Variants in ZNF675 observed in about 807,000 individuals in gnomAD.
ZNF675 encodes the protein TRAF6 inhibitory zinc finger.
In ZNF675, 36 loss-of-function variants were observed where a neutral mutation model predicts 56.1. The observed-to-expected ratio is 0.64, with a 90% CI of 0.49 to 0.85. ZNF675 has a LOEUF of 0.85. ZNF675 is among the 40% of genes least tolerant of loss of function. The probability of loss-of-function intolerance (pLI) is 0.00; values close to 1 mark genes in which losing one functional copy is unlikely to be tolerated. For synonymous variants in ZNF675, 200 were observed against 218.9 expected, an observed-to-expected ratio of 0.91 and a Z score of 0.76; for missense variants, 663 against 654.2, an observed-to-expected ratio of 1.01 and a Z score of -0.15.
intron 3 of ZNF675, among the ~76,000 whole-genome samples, chr19:23,658,932 G>GATCTATAGAT (rs1968037406): frequency 6.1e-5 from 1 of 16,430 alleles, no homozygotes; most frequent in Non-Finnish European, 1.4e-4. Flanking sequence ...TATAGATACC[G>GATCTATAGAT]ATCTATAGAT....
chr19:23,655,964 C>G (rs1967977695), intron 3 of ZNF675: 1 of 152,066 alleles, frequency 6.6e-6, no homozygotes, highest in Non-Finnish European at 1.5e-5. Context: ...ATGGTAGCAG[C>G]CATGGCACGT....
At chr19:23,665,637 A>G (rs995892623) in intron 1 of ZNF675, among the ~76,000 whole-genome samples, 17 of 152,058 alleles carry the variant, frequency 1.1e-4, no homozygotes, top group Non-Finnish European at 2.2e-4. Flanking sequence ...GGGATAACAC[A>G]GGCGCCTGCC....
rs770019068 is a variant in ZNF675, at chr19:23,654,457, G to C, written c.476C>G (p.Ser159Ter). ...CATATGTTTTATCTTATGTCTATCT[G>C]AATGTGAAAATTTATTAAAGACTTT... is the stretch of plus-strand genomic sequence containing the variant. The part of the protein sequence containing the change: ...YVKVFNKFSH[S>*]DRHKIKHMEN... The change falls in exon 4 of 4, where the codon TCA (serine) becomes TGA (stop). Residue 159 changes from serine to a stop codon, truncating the protein, a stop_gained. Transcript: ENST00000359788. LOFTEE classifies it high-confidence loss of function. 1 of 1,602,038 alleles carries C rather than the reference G, an allele frequency of 6.2e-7. No homozygotes were observed. The highest frequency in any genetic ancestry group is 1.3e-5 in the African/African-American group (1 of 74,176).
chr19:23,662,856 C>T (rs888568685), intron 2 of ZNF675, among the ~76,000 whole-genome samples, 176 bp downstream of exon 2: 6 of 152,062 alleles, frequency 3.9e-5, no homozygotes, highest in South Asian at 2.1e-4. Context: ...TGGTGGCTCA[C>T]GCCTGTAGTC....
chr19:23,686,420 G>T (rs1968442830), intron 1 of ZNF675: 1 of 152,168 alleles, frequency 6.6e-6, no homozygotes, highest in Non-Finnish European at 1.5e-5. Flanking sequence ...GCCACCTCCC[G>T]GGTTCAAGCG....
At chr19:23,663,820 T>C (rs554494992) in intron 1 of ZNF675, among the ~76,000 whole-genome samples, 2 of 152,354 alleles carry the variant, frequency 1.3e-5, no homozygotes, top group East Asian at 3.9e-4. Flanking sequence ...AATAGCTAAT[T>C]GAGAACACAG....
intron 3 of ZNF675, among the ~76,000 whole-genome samples, chr19:23,657,964 CAG>C (rs1968009885): frequency 6.6e-6 from 1 of 151,936 alleles, no homozygotes; most frequent in African/African-American, 2.4e-5. Context: ...AAACAATAAA[CAG>C]ATGTCAAACT....
intron 1 of ZNF675, among the ~76,000 whole-genome samples, chr19:23,670,552 A>T (rs912897193): frequency 3.3e-5 from 5 of 152,086 alleles, no homozygotes; most frequent in African/African-American, 1.2e-4. Context: ...CCCCTTGCCA[A>T]GTGCTTCTGA....
chr19:23,680,185 C>T (rs1968358472), intron 1 of ZNF675, among the ~76,000 whole-genome samples: 2 of 151,260 alleles, frequency 1.3e-5, no homozygotes, highest in African/African-American at 4.9e-5. Flanking sequence ...CTCCTGTAAT[C>T]CCAACTACTA....
In ZNF675 at chr19:23,684,057, C is replaced by G. The variant is rs2364622; in HGVS notation, c.3+2974G>C. On this transcript the variant is annotated intron_variant, in intron 1 of 3. Coordinates refer to ENST00000359788, the MANE Select transcript of ZNF675 (RefSeq NM_138330.3). ...AGGGCGGATCACGAGGTCAGGAGAT[C>G]AAGACCATCCTGGCTAACACGGTGA... Among the ~76,000 whole-genome samples the G allele has an allele frequency of 1.4e-4, 21 of 150,792 alleles. 1 individual carries two copies. The South Asian group carries it at 4.0e-3, about 29-fold the overall frequency.
chr19:23,676,991 G>A (rs943911425), intron 1 of ZNF675, among the ~76,000 whole-genome samples: 3 of 123,704 alleles, frequency 2.4e-5, no homozygotes, highest in East Asian at 6.4e-4. Context: ...AGAGAATGGC[G>A]GCGTTAACCC....
At chr19:23,686,978 G>C in intron 1 of ZNF675, 53 bp downstream of exon 1, 1 of 1,611,612 alleles carries the variant, frequency 6.2e-7, no homozygotes, top group East Asian at 2.2e-5. Context: ...CATTTCCCAC[G>C]GGTTCCAACC....
At chr19:23,668,075 CT>C (rs1375381239) in intron 1 of ZNF675, among the ~76,000 whole-genome samples, 4 of 143,942 alleles carry the variant, frequency 2.8e-5, no homozygotes, top group Non-Finnish European at 6.0e-5. Flanking sequence ...CATAAAGGTT[CT>C]CCAAGGCCCC....
At chr19:23,678,360 G>C (rs1599423285) in intron 1 of ZNF675, among the ~76,000 whole-genome samples, 1 of 149,986 alleles carries the variant, frequency 6.7e-6, no homozygotes, top group Admixed American at 6.6e-5. Flanking sequence ...TGGGTTCAAG[G>C]CTGCCTCAGC....
chr19:23,675,517 C>T (rs1968284078), intron 1 of ZNF675, among the ~76,000 whole-genome samples: 1 of 151,910 alleles, frequency 6.6e-6, no homozygotes. Context: ...ACTCAGACCA[C>T]AGCTTGATAA....
rs888803210 is a variant in ZNF675 at position 23,687,192 on chromosome 19, A to C, written c.-159T>G. 46 of 837,332 alleles carry C rather than the reference A, an allele frequency of 5.5e-5. No homozygotes were observed. In the African/African-American group the frequency reaches 6.9e-4, roughly 13 times the overall value. The allele number at this position is 837,332 out of a possible 1,614,324, so 51.9% of individuals were successfully genotyped here. On this transcript the variant is annotated 5_prime_UTR_variant, in exon 1 of 4. Coordinates refer to ENST00000359788, the MANE Select transcript of ZNF675 (RefSeq NM_138330.3). ...CAGCGAGAGACAAAGGCGCCGCCAA[A>C]TCCCGGAAGCCATCTTGTCTGCTCC... is the stretch of plus-strand genomic sequence containing the variant.
intron 3 of ZNF675, among the ~76,000 whole-genome samples, chr19:23,660,479 A>C (rs1271973181): frequency 1.3e-5 from 2 of 152,232 alleles, no homozygotes; most frequent in South Asian, 2.1e-4. Context: ...ATATAAACAT[A>C]AACAGTACAT....
At chr19:23,686,972 T>A in intron 1 of ZNF675, 59 bp downstream of exon 1, 2 of 1,609,802 alleles carry the variant, frequency 1.2e-6, no homozygotes, top group Non-Finnish European at 1.7e-6. Context: ...CATAGCCATT[T>A]CCCACGGGTT....
chr19:23,685,507 A>C lies in ZNF675; in HGVS notation c.3+1524T>G, dbSNP rs561117766. ...AGGTGGCTGAGGCCACATCACCCATAAAGTTTCCAAAGGGAAACCTTGACC... is the reference window on the plus strand; with the variant it reads ...AGGTGGCTGAGGCCACATCACCCATCAAGTTTCCAAAGGGAAACCTTGACC... On this transcript the variant is annotated intron_variant, in intron 1 of 3. Coordinates refer to ENST00000359788, the MANE Select transcript of ZNF675 (RefSeq NM_138330.3). Among the ~76,000 whole-genome samples, 10 of 152,334 alleles carry C rather than the reference A, an allele frequency of 6.6e-5. No individual in the cohort carries two copies. The South Asian group carries it at 1.5e-3, about 22-fold the overall frequency.
Sources: gnomAD v4.1 joint callset for allele counts (sites outside exome capture counted in the v4.1 genomes callset) on GRCh38, gnomAD v4.1.1 for gene constraint, MANE v1.5 for transcripts, NCBI Gene and HGNC (gene_info 2026-07-23, HGNC 2026-07-21) for gene names.